The following AGBL4 variants were observed in gnomAD, a reference collection of about 807,000 sequenced individuals.
AGBL4 encodes the protein cytosolic carboxypeptidase 6.
A neutral mutation model predicts 66.4 loss-of-function variants in AGBL4; 58 were observed. The observed-to-expected ratio is 0.87, with a 90% CI of 0.71 to 1.09. The LOEUF (loss-of-function observed/expected upper bound fraction) is 1.09. Ranked by LOEUF, AGBL4 falls within the 50% of genes least tolerant of loss-of-function variation. The pLI is 0.00. For missense variants in AGBL4, 579 were observed against 631.0 expected, an observed-to-expected ratio of 0.92 and a Z score of 0.88; for synonymous variants, 234 against 222.9, an observed-to-expected ratio of 1.05 and a Z score of -0.44.
intron 2 of AGBL4, among the ~76,000 whole-genome samples, chr1:49,742,714 A>ATACAGAC (rs1650622778): frequency 6.6e-6 from 1 of 152,230 alleles, no homozygotes; most frequent in Non-Finnish European, 1.5e-5. Context: ...ATACAGACCA[A>ATACAGAC]TGGAACAGAA....
chr1:48,825,670 G>T (rs762105572), intron 6 of AGBL4, among the ~76,000 whole-genome samples: 2 of 152,198 alleles, frequency 1.3e-5, no homozygotes, highest in Non-Finnish European at 2.9e-5. Flanking sequence ...GAACCAAGGG[G>T]AAAGGGCATT....
chr1:49,668,427 T>C (rs568742090), intron 3 of AGBL4, among the ~76,000 whole-genome samples: 5 of 152,308 alleles, frequency 3.3e-5, no homozygotes, highest in Non-Finnish European at 7.4e-5. Context: ...GTCAAGTCAA[T>C]CTCTGGTTTG....
At chr1:48,924,030 A>G (rs1310364122) in intron 5 of AGBL4, among the ~76,000 whole-genome samples, 1 of 152,134 alleles carries the variant, frequency 6.6e-6, no homozygotes, top group Non-Finnish European at 1.5e-5. Flanking sequence ...CTCTGTCCCA[A>G]GAGACTACCC....
At chr1:48,575,272 TC>T (rs1644633918) in intron 11 of AGBL4, among the ~76,000 whole-genome samples, 1 of 152,106 alleles carries the variant, frequency 6.6e-6, no homozygotes, top group Non-Finnish European at 1.5e-5. Flanking sequence ...ACAAACTGGA[TC>T]TGGGCTCCCG....
intron 3 of AGBL4, among the ~76,000 whole-genome samples, chr1:49,592,010 T>C (rs1644760813): frequency 6.6e-6 from 1 of 152,160 alleles, no homozygotes; most frequent in African/African-American, 2.4e-5. Flanking sequence ...AAAAATACCA[T>C]TCTGGACATA....
chr1:48,608,200 T>C (rs1645180811), intron 9 of AGBL4, among the ~76,000 whole-genome samples: 1 of 152,204 alleles, frequency 6.6e-6, no homozygotes, highest in Non-Finnish European at 1.5e-5. Flanking sequence ...ACTCTAATTC[T>C]AGGTTGAAAG....
At chr1:48,532,457 A>T (rs1221018157), downstream of AGBL4, among the ~76,000 whole-genome samples, 1 of 152,208 alleles carries the variant, frequency 6.6e-6, no homozygotes, top group Non-Finnish European at 1.5e-5. Context: ...CTGTTTGTGT[A>T]GTCTATGATC....
intron 5 of AGBL4, among the ~76,000 whole-genome samples, chr1:48,885,381 A>G (rs1020200577): frequency 6.6e-6 from 1 of 152,102 alleles, no homozygotes; most frequent in Admixed American, 6.5e-5. Context: ...TAAAATATTT[A>G]CTCTATTGCC....
intron 5 of AGBL4, among the ~76,000 whole-genome samples, chr1:48,886,006 C>T (rs1490371599): frequency 1.3e-5 from 2 of 152,196 alleles, no homozygotes; most frequent in Non-Finnish European, 2.9e-5. Flanking sequence ...GACCCACGAG[C>T]TCCCTTTCCC....
rs372502400 is a variant in AGBL4, at chr1:49,126,604, C to T, written c.378-80804G>A. Among the ~76,000 whole-genome samples, 50 of 152,144 alleles carry T rather than the reference C, an allele frequency of 3.3e-4. 1 individual carries two copies. The South Asian group carries it at 9.5e-3, about 29-fold the overall frequency. ...GTTTAAGCAACTTTACTAACTTTCC[C>T]AGATTTACACAGATAGTAAGTGATA... On this transcript the variant is annotated intron_variant, in intron 4 of 13. Coordinates refer to ENST00000371839, the MANE Select transcript of AGBL4 (RefSeq NM_032785.4).
intron 6 of AGBL4, among the ~76,000 whole-genome samples, chr1:48,762,355 TTG>T (rs2148664495): frequency 6.6e-6 from 1 of 152,368 alleles, no homozygotes; most frequent in African/African-American, 2.4e-5. Flanking sequence ...CTTTCCAGAT[TTG>T]TCTCTCACTG....
At chr1:49,787,369 G>A (rs1644481541) in intron 2 of AGBL4, among the ~76,000 whole-genome samples, 1 of 152,046 alleles carries the variant, frequency 6.6e-6, no homozygotes. Flanking sequence ...CGGGCGTGGT[G>A]GCGGACGCCT....
At chr1:48,978,100 C>T (rs1241432709) in intron 5 of AGBL4, among the ~76,000 whole-genome samples, 1 of 152,062 alleles carries the variant, frequency 6.6e-6, no homozygotes, top group African/African-American at 2.4e-5. Context: ...CATATTTATG[C>T]ATATGAAAAT....
chr1:48,734,501 A>G (rs1396275152), intron 6 of AGBL4, among the ~76,000 whole-genome samples: 3 of 152,100 alleles, frequency 2.0e-5, no homozygotes, highest in African/African-American at 7.2e-5. Context: ...CTTTGACTCC[A>G]GCAAATCCAA....
chr1:49,426,682 C>T (rs940710492), intron 3 of AGBL4, among the ~76,000 whole-genome samples: 1 of 151,806 alleles, frequency 6.6e-6, no homozygotes, highest in Non-Finnish European at 1.5e-5. Flanking sequence ...TTGACCTTCA[C>T]AAGAATTCTA....
chr1:49,548,807 G>A (rs895418167), intron 3 of AGBL4, among the ~76,000 whole-genome samples: 1 of 152,040 alleles, frequency 6.6e-6, no homozygotes, highest in Non-Finnish European at 1.5e-5. Context: ...AATTAAGGGA[G>A]GGTTCCTTTT....
chr1:48,662,904 G>T (rs11802874), intron 7 of AGBL4, among the ~76,000 whole-genome samples: 9 of 152,082 alleles, frequency 5.9e-5, no homozygotes, highest in Admixed American at 2.6e-4. Context: ...AGATAACTTC[G>T]TTCAGCCCTC....
intron 13 of AGBL4, 41 bp downstream of exon 13, chr1:48,534,849 A>G: frequency 6.5e-7 from 1 of 1,541,116 alleles, no homozygotes. Flanking sequence ...CATGCATGGT[A>G]TGTTACTTAC....
chr1:48,586,942 C>CAA lies in AGBL4; in HGVS notation c.1267+61_1267+62insTT, dbSNP rs761525157. On this transcript the variant is annotated intron_variant, in intron 11 of 13. Coordinates refer to ENST00000371839, the MANE Select transcript of AGBL4 (RefSeq NM_032785.4). ...GCTGGGGGCCTAATTCCTGACCTGT[C>CAA]AGACTTGGATACTCTCGGCTGGATG... is the stretch of plus-strand genomic sequence containing the variant. The CAA allele has an allele frequency of 8.7e-6, 14 of 1,601,154 alleles. No homozygotes were observed. The South Asian group carries it at 1.6e-4, about 18-fold the overall frequency.
Sources: gnomAD v4.1 joint callset for allele counts (sites outside exome capture counted in the v4.1 genomes callset) on GRCh38, gnomAD v4.1.1 for gene constraint, MANE v1.5 for transcripts, NCBI Gene and HGNC (gene_info 2026-07-23, HGNC 2026-07-21) for gene names.